Variants in SERPINB5 observed in about 807,000 individuals in gnomAD.
SERPINB5 encodes the protein serpin family B member 5.
A neutral mutation model predicts 32.2 loss-of-function variants in SERPINB5; 27 were observed. The ratio of observed to expected loss-of-function variants is 0.84; its 90% CI spans 0.62 to 1.16. SERPINB5 has a LOEUF of 1.16. Ranked by LOEUF, SERPINB5 falls within the 50% of genes most tolerant of loss-of-function variation. The probability of loss-of-function intolerance (pLI) is 0.00; values close to 1 mark genes in which losing one functional copy is unlikely to be tolerated. For synonymous variants in SERPINB5, 154 were observed against 157.4 expected, an observed-to-expected ratio of 0.98 and a Z score of 0.16; for missense variants, 388 against 436.3, an observed-to-expected ratio of 0.89 and a Z score of 0.99.
intron 6 of SERPINB5, among the ~76,000 whole-genome samples, chr18:63,500,749 A>G (rs1017378183): frequency 1.3e-5 from 2 of 152,108 alleles, no homozygotes; most frequent in Non-Finnish European, 2.9e-5. Context: ...ATCACTTGCT[A>G]TATATCCACA....
intron 4 of SERPINB5, among the ~76,000 whole-genome samples, chr18:63,491,406 A>ACCCC (rs1909333417): frequency 1.5e-4 from 6 of 39,056 alleles, no homozygotes; most frequent in Non-Finnish European, 2.8e-4. Context: ...GCGTCTCCCA[A>ACCCC]AAAAAAAAAA....
Position 63,503,808 on chromosome 18 carries a change from A to G in SERPINB5, c.*86A>G, listed in dbSNP as rs536721609. The G allele has an allele frequency of 2.9e-6, 4 of 1,375,352 alleles. No individual in the cohort carries two copies. Among genetic ancestry groups the G allele is most frequent in the East Asian group, 2.3e-5 (1 of 43,652 alleles). The allele number at this position is 1,375,352 out of a possible 1,614,324, so 85.2% of individuals were successfully genotyped here. ...CTGCATCCAGAGATTCATTTTCTAGATACAATAAATTGCTAATGTTGCTGG... is the reference window on the plus strand; with the variant it reads ...CTGCATCCAGAGATTCATTTTCTAGGTACAATAAATTGCTAATGTTGCTGG... On this transcript the variant is annotated 3_prime_UTR_variant, in exon 7 of 7. Coordinates refer to ENST00000382771, the MANE Select transcript of SERPINB5 (RefSeq NM_002639.5).
intron 6 of SERPINB5, among the ~76,000 whole-genome samples, chr18:63,499,681 GA>G (rs1909530866): frequency 6.6e-6 from 1 of 152,134 alleles, no homozygotes; most frequent in Non-Finnish European, 1.5e-5. Context: ...CAGGTAGTTG[GA>G]GCCAGGTTCT....
chr18:63,493,127 G>A (rs772399571), intron 5 of SERPINB5, 32 bp downstream of exon 5: 11 of 1,613,864 alleles, frequency 6.8e-6, no homozygotes, highest in African/African-American at 1.3e-5. Flanking sequence ...AGTAAAAGGA[G>A]CCCAATTATA....
chr18:63,479,490 T>G (rs1216889448), intron 1 of SERPINB5, among the ~76,000 whole-genome samples: 1 of 152,190 alleles, frequency 6.6e-6, no homozygotes, highest in Non-Finnish European at 1.5e-5. Flanking sequence ...GTTCTCCCTG[T>G]CCCACGTTTT....
chr18:63,485,852 A>G (rs1444783566), intron 2 of SERPINB5: 1 of 152,986 alleles, frequency 6.5e-6, no homozygotes, highest in African/African-American at 2.4e-5. Flanking sequence ...ATTCATTGGG[A>G]CAATGTGCCG....
At chr18:63,484,684 C>A (rs1917177655) in intron 2 of SERPINB5, 88 bp downstream of exon 2, 2 of 1,187,318 alleles carry the variant, frequency 1.7e-6, no homozygotes. Context: ...GGAATGTAGA[C>A]TTTGTGGCCA....
chr18:63,499,409 G>A (rs921305474), intron 6 of SERPINB5, 122 bp downstream of exon 6: 39 of 784,746 alleles, frequency 5.0e-5, no homozygotes, highest in Non-Finnish European at 6.8e-5. Context: ...CACTGGCTCA[G>A]TCACCTCCAA....
intron 5 of SERPINB5, chr18:63,497,469 C>G (rs1348638043): frequency 1.0e-5 from 6 of 574,776 alleles, no homozygotes; most frequent in Non-Finnish European, 1.6e-5. Flanking sequence ...CTGGGCTGTG[C>G]TAAGCTTTAC....
chr18:63,499,204 G>T lies in SERPINB5; in HGVS notation c.652G>T (p.Glu218Ter). The T allele has an allele frequency of 6.2e-7, 1 of 1,602,066 alleles. No individual in the cohort carries two copies. The highest frequency in any genetic ancestry group is 1.1e-5 in the South Asian group (1 of 89,004). Reference sequence around the variant, plus strand: ...TGACAGTATCAATTGTAAGATCATAGAGCTTCCTTTTCAAAATAAGCATCT... The same window carrying T: ...TGACAGTATCAATTGTAAGATCATATAGCTTCCTTTTCAAAATAAGCATCT... The part of the protein sequence containing the change: ...NIDSINCKII[E>*]LPFQNKHLSM... The change falls in exon 6 of 7, where the codon GAG becomes TAG. Residue 218 changes from glutamate to a stop codon, truncating the protein, a stop_gained. Coordinates refer to ENST00000382771, the MANE Select transcript of SERPINB5 (RefSeq NM_002639.5). LOFTEE classifies it high-confidence loss of function.
chr18:63,503,210 A>G (rs1359888587), intron 6 of SERPINB5, 120 bp from the exon 7 acceptor site: 9 of 1,141,134 alleles, frequency 7.9e-6, no homozygotes, highest in Non-Finnish European at 8.5e-6. Context: ...GCCATCTTTG[A>G]TGTTCCACCC....
chr18:63,478,352 T>G (rs1448394611), intron 1 of SERPINB5, among the ~76,000 whole-genome samples: 1 of 152,192 alleles, frequency 6.6e-6, no homozygotes, highest in Non-Finnish European at 1.5e-5. Context: ...GGAGCAGCTA[T>G]GATGCTTCAG....
Position 63,487,062 on chromosome 18 carries a change from C to A in SERPINB5, c.285C>A (p.Asp95Glu). The A allele has an allele frequency of 1.2e-6, 2 of 1,613,662 alleles. No homozygotes were observed. Among genetic ancestry groups the A allele is most frequent in the Non-Finnish European group, 1.7e-6 (2 of 1,179,816 alleles). Reference protein sequence around the residue: ...SLKLIKRLYVDKSLNLSTEFI... With the variant: ...SLKLIKRLYVEKSLNLSTEFI... The stretch of plus-strand genomic sequence containing the variant: ...AACTAATCAAGCGGCTCTACGTAGA[C>A]AAATCTCTGAATCTTTCTACAGTAA... The change falls in exon 3 of 7, where the codon GAC becomes GAA. Residue 95 changes from aspartate to glutamate, a missense_variant. Asp to Glu is a conservative substitution (Grantham distance 45). Coordinates refer to ENST00000382771, the MANE Select transcript of SERPINB5 (RefSeq NM_002639.5).
intron 2 of SERPINB5, chr18:63,485,477 A>G (rs979254136): frequency 1.3e-5 from 2 of 152,226 alleles, no homozygotes; most frequent in African/African-American, 4.8e-5. Context: ...AGTATGGCCC[A>G]TAAGAGTTAT....
At position 63,484,741 on chromosome 18, in the gene SERPINB5, CTTTTTT is replaced by C. The variant is rs869236018; in HGVS notation, c.168+162_168+167del. On this transcript the variant is annotated intron_variant, in intron 2 of 6. Coordinates refer to ENST00000382771, the MANE Select transcript of SERPINB5 (RefSeq NM_002639.5). Reference sequence around the variant, plus strand: ...TGTGCCATTCCAGGACTCTCTTAATCTTTTTTTTTTTTTTTTTTTTTTGTGAGACAG... The same window carrying C: ...TGTGCCATTCCAGGACTCTCTTAATCTTTTTTTTTTTTTTTTGTGAGACAG... 365 of 108,166 alleles carry C rather than the reference CTTTTTT, an allele frequency of 3.4e-3. 3 individuals carry two copies. The highest frequency in any genetic ancestry group is 4.6e-3 in the Non-Finnish European group (273 of 59,300). The allele number at this position is 108,166 out of a possible 1,614,324, so 6.7% of individuals were successfully genotyped here.
rs1264426946 is a variant in SERPINB5 at position 63,503,489 on chromosome 18, G to A, written c.895G>A (p.Glu299Lys). Residue 299 changes from glutamate to lysine, a missense_variant, in exon 7 of 7, where the codon GAA (glutamate) becomes AAA (lysine). Coordinates refer to ENST00000382771, the MANE Select transcript of SERPINB5 (RefSeq NM_002639.5). ...ENLGLKHIFS[E>K]DTSDFSGMSE... ...TCTAGGGCTGAAACATATCTTCAGT[G>A]AAGACACATCTGATTTCTCTGGAAT... The A allele has an allele frequency of 2.5e-6, 4 of 1,614,182 alleles. No homozygotes were observed. Among genetic ancestry groups the A allele is most frequent in the Non-Finnish European group, 3.4e-6 (4 of 1,180,032 alleles).
chr18:63,490,014 A>C (rs926822359), intron 4 of SERPINB5, among the ~76,000 whole-genome samples: 5 of 152,266 alleles, frequency 3.3e-5, no homozygotes, highest in Admixed American at 3.3e-4. Context: ...AACACGGTGA[A>C]ACCCTGTCTC....
intron 2 of SERPINB5, 143 bp downstream of exon 2, chr18:63,484,739 A>ATATTTTTTTTTT (rs1474564506): frequency 2.7e-4 from 39 of 144,788 alleles, no homozygotes; most frequent in African/African-American, 1.8e-3. Context: ...GACTCTCTTA[A>ATATTTTTTTTTT]TCTTTTTTTT....
In SERPINB5 at chr18:63,503,607, G is replaced by C; in HGVS notation, c.1013G>C (p.Gly338Ala). Residue 338 changes from glycine to alanine, a missense_variant, in exon 7 of 7, where the codon GGA (glycine) becomes GCA (alanine). By Grantham distance (60) the Gly-to-Ala change is moderately conservative (BLOSUM62 0). Coordinates refer to ENST00000382771, the MANE Select transcript of SERPINB5 (RefSeq NM_002639.5). ...EDGGDSIEVPGARILQHKDEL... is the reference protein window; with the variant it reads ...EDGGDSIEVPAARILQHKDEL... ...GGTGGGGATTCCATAGAGGTGCCAGGAGCACGGATCCTGCAGCACAAGGAT... is the reference window on the plus strand; with the variant it reads ...GGTGGGGATTCCATAGAGGTGCCAGCAGCACGGATCCTGCAGCACAAGGAT... 2 of 1,614,230 alleles carry C rather than the reference G, an allele frequency of 1.2e-6. No individual in the cohort carries two copies. Among genetic ancestry groups the C allele is most frequent in the Non-Finnish European group, 1.7e-6 (2 of 1,180,030 alleles).
Sources: gnomAD v4.1 joint callset for allele counts (sites outside exome capture counted in the v4.1 genomes callset) on GRCh38, gnomAD v4.1.1 for gene constraint, MANE v1.5 for transcripts, NCBI Gene and HGNC (gene_info 2026-07-23, HGNC 2026-07-21) for gene names.